MEMO1: variants seen among roughly 807,000 people sequenced by gnomAD.
MEMO1 encodes protein MEMO1.
In MEMO1, 6 loss-of-function variants were observed where a neutral mutation model predicts 45.2. That is an observed-to-expected ratio of 0.13 (90% CI 0.07 to 0.26). The LOEUF (loss-of-function observed/expected upper bound fraction) is 0.26, where lower values mean the gene tolerates loss of function less well. MEMO1 is among the 10% of genes least tolerant of loss of function. The pLI is 1.00. For missense variants in MEMO1, 184 were observed against 370.5 expected (o/e 0.50, Z 4.13); for synonymous variants, 78 against 124.3 (o/e 0.63, Z 2.48).
At chr2:31,889,722 C>G (rs186709609) in intron 7 of MEMO1, among the ~76,000 whole-genome samples, 1 of 152,038 alleles carries the variant, frequency 6.6e-6, no homozygotes, top group East Asian at 1.9e-4. Context: ...TCCCCAGAAC[C>G]CCAACATATT....
chr2:31,962,595 G>T (rs1210886068), intron 2 of MEMO1, among the ~76,000 whole-genome samples: 1 of 152,100 alleles, frequency 6.6e-6, no homozygotes, highest in African/African-American at 2.4e-5. Flanking sequence ...TAAAAATTAA[G>T]TATAAGATAA....
intron 2 of MEMO1, among the ~76,000 whole-genome samples, chr2:31,985,363 G>A (rs1201670047): frequency 6.6e-6 from 1 of 152,182 alleles, no homozygotes; most frequent in Non-Finnish European, 1.5e-5. Flanking sequence ...GTCTCGCTCT[G>A]TCACCAGGCT....
chr2:31,901,680 G>A lies in MEMO1; in HGVS notation c.438-9546C>T, dbSNP rs142938030. On this transcript the variant is annotated intron_variant, in intron 6 of 9. Coordinates refer to ENST00000404530, the MANE Select transcript of MEMO1 (RefSeq NM_001301833.4). ...TCAACACTTTGGGAGGCTGAGGCGG[G>A]CAGATTGCCTGAGGTCAGGACTTTG... Among the ~76,000 whole-genome samples, 710 of 152,174 alleles carry A rather than the reference G, an allele frequency of 4.7e-3. 7 individuals carry two copies. The highest frequency in any genetic ancestry group is 0.016 in the African/African-American group (675 of 41,504).
chr2:32,001,422 T>A (rs946233148), intron 2 of MEMO1, among the ~76,000 whole-genome samples: 1 of 152,080 alleles, frequency 6.6e-6, no homozygotes, highest in Non-Finnish European at 1.5e-5. Flanking sequence ...TAATTATATA[T>A]GTATTATATT....
chr2:31,873,534 C>T (rs1030020558), intron 8 of MEMO1, among the ~76,000 whole-genome samples: 2 of 151,970 alleles, frequency 1.3e-5, no homozygotes, highest in Non-Finnish European at 2.9e-5. Context: ...AATTATCTTC[C>T]CTCTTTAAAA....
intron 2 of MEMO1, among the ~76,000 whole-genome samples, chr2:31,994,710 G>T (rs1672357458): frequency 6.6e-6 from 1 of 152,128 alleles, no homozygotes; most frequent in African/African-American, 2.4e-5. Flanking sequence ...GCCTTTGGGA[G>T]GCCAAGGCAG....
Position 31,892,007 on chromosome 2 carries a change from C to A in MEMO1, c.565G>T (p.Asp189Tyr), listed in dbSNP as rs751879291. Residue 189 changes from aspartate (D) to tyrosine (Y), a missense_variant, in exon 7 of 10, where the codon GAT (aspartate) becomes TAT (tyrosine). Around this residue, in one of 3 missense-constraint regions of MEMO1, gnomAD observed 97 missense variants for 209.3 expected, o/e 0.46. Transcript: ENST00000404530. Reference sequence around the variant, plus strand: ...TAGAACTTACCCCAATGGCAGAAATCAGAAGAAACCACAAAGAGATTACTA... The same window carrying A: ...TAGAACTTACCCCAATGGCAGAAATAAGAAGAAACCACAAAGAGATTACTA... ...DPSNLFVVSS[D>Y]FCHWGQRFRY... is the part of the protein sequence containing the mutation. 6.2e-7 allele frequency: 1 copy of A among 1,611,104 alleles called. No individual in the cohort carries two copies. Among genetic ancestry groups the A allele is most frequent in the Non-Finnish European group, 8.5e-7 (1 of 1,179,242 alleles).
At chr2:31,901,934 G>A (rs1346886309) in intron 6 of MEMO1, among the ~76,000 whole-genome samples, 1 of 151,282 alleles carries the variant, frequency 6.6e-6, no homozygotes, top group East Asian at 2.0e-4. Context: ...TCTAAAACTA[G>A]ATTGTGAGAA....
chr2:31,987,492 T>G (rs537902013), intron 2 of MEMO1, among the ~76,000 whole-genome samples: 1 of 152,322 alleles, frequency 6.6e-6, no homozygotes, highest in South Asian at 2.1e-4. Flanking sequence ...AAACATACAC[T>G]TGTAAATATT....
At chr2:31,945,334 T>C (rs1053371960) in intron 2 of MEMO1, among the ~76,000 whole-genome samples, 3 of 152,228 alleles carry the variant, frequency 2.0e-5, no homozygotes, top group Admixed American at 6.5e-5. Flanking sequence ...TACATAATGC[T>C]ACAAGTATCC....
chr2:32,008,982 G>T (rs1034223083), intron 2 of MEMO1, among the ~76,000 whole-genome samples: 1 of 152,156 alleles, frequency 6.6e-6, no homozygotes, highest in African/African-American at 2.4e-5. Flanking sequence ...GATTCACCTC[G>T]AGAAGTTAGG....
intron 3 of MEMO1, among the ~76,000 whole-genome samples, chr2:31,940,603 A>C (rs76017926): frequency 0.01 from 1,529 of 152,320 alleles, 12 homozygotes; most frequent in Non-Finnish European, 0.015. Context: ...ACAGTGGTGC[A>C]AACAGACCAT....
intron 3 of MEMO1, among the ~76,000 whole-genome samples, chr2:31,932,628 G>C (rs142588079): frequency 3.9e-5 from 6 of 152,196 alleles, no homozygotes; most frequent in African/African-American, 7.2e-5. Flanking sequence ...TAACAGACCT[G>C]AGTTCTCTGT....
intron 2 of MEMO1, among the ~76,000 whole-genome samples, chr2:31,975,521 A>G (rs1398084611): frequency 6.6e-6 from 1 of 152,206 alleles, no homozygotes; most frequent in Non-Finnish European, 1.5e-5. Flanking sequence ...TCAAGAGTAC[A>G]GCACTTAGCT....
chr2:31,945,164 A>C (rs1476714693), intron 2 of MEMO1, among the ~76,000 whole-genome samples: 1 of 152,196 alleles, frequency 6.6e-6, no homozygotes, highest in Non-Finnish European at 1.5e-5. Context: ...TTGCTTTAGT[A>C]ATTCAACATT....
chr2:32,009,251 T>C (rs1487445404), intron 2 of MEMO1, among the ~76,000 whole-genome samples: 1 of 152,164 alleles, frequency 6.6e-6, no homozygotes, highest in Non-Finnish European at 1.5e-5. Flanking sequence ...ACCTGCCTGG[T>C]GTAGGGCGAC....
chr2:31,989,422 T>G (rs914745400), intron 2 of MEMO1, among the ~76,000 whole-genome samples: 8 of 152,216 alleles, frequency 5.3e-5, no homozygotes, highest in Admixed American at 3.9e-4. Flanking sequence ...ACAGGTGTGA[T>G]TCTTTGACAA....
intron 2 of MEMO1, among the ~76,000 whole-genome samples, chr2:31,969,266 T>C (rs1036926782): frequency 1.3e-5 from 2 of 148,908 alleles, no homozygotes; most frequent in African/African-American, 2.4e-5. Context: ...TACAAAGCTA[T>C]ATATATATAT....
chr2:31,895,313 G>T (rs556572704), intron 6 of MEMO1, among the ~76,000 whole-genome samples: 1 of 152,114 alleles, frequency 6.6e-6, no homozygotes, highest in East Asian at 1.9e-4. Flanking sequence ...GCAGATATTG[G>T]ATTTAGCAGA....
Sources: allele counts gnomAD v4.1 joint callset (sites outside exome capture counted in the v4.1 genomes callset), GRCh38; gene constraint gnomAD v4.1.1; regional missense constraint gnomAD v4.1.1; transcripts MANE v1.5; gene names NCBI Gene and HGNC (gene_info 2026-07-23, HGNC 2026-07-21).